The following ARHGEF10 variants were observed in gnomAD, a reference collection of about 807,000 sequenced individuals.
The protein encoded by ARHGEF10 is Rho guanine nucleotide exchange factor (GEF) 10.
ARHGEF10 carries 140 observed loss-of-function variants against 147.4 expected under a neutral mutation model. The ratio of observed to expected loss-of-function variants is 0.95; its 90% CI spans 0.83 to 1.09. ARHGEF10 has a LOEUF of 1.09. Among genes scored for constraint, ARHGEF10 ranks in the 50% least tolerant of loss-of-function variants. ARHGEF10 has a pLI of 0.00. For synonymous variants in ARHGEF10, 902 were observed against 695.8 expected, an observed-to-expected ratio of 1.30 and a Z score of -4.67; for missense variants, 2,222 against 1,752.7, an observed-to-expected ratio of 1.27 and a Z score of -4.78.
chr8:1,832,909 C>CAG (rs56651550), intron 1 of ARHGEF10, among the ~76,000 whole-genome samples: 945 of 38,390 alleles, frequency 0.025, 25 homozygotes, highest in Middle Eastern at 0.045. Context: ...GACAGAGAGA[C>CAG]AGACAGAGGC....
At chr8:1,926,880 G>C (rs1812731874) in intron 23 of ARHGEF10, 1 of 305,486 alleles carries the variant, frequency 3.3e-6, no homozygotes, top group African/African-American at 2.2e-5. Flanking sequence ...AATTAGGCTG[G>C]AATTGCAGTA....
chr8:1,881,513 G>C (rs1292675888), intron 9 of ARHGEF10, among the ~76,000 whole-genome samples: 1 of 152,220 alleles, frequency 6.6e-6, no homozygotes, highest in Non-Finnish European at 1.5e-5. Context: ...CCAAGGAAAT[G>C]GCAGCAGGAC....
At chr8:1,949,436 G>C (rs1165096874) in intron 27 of ARHGEF10, among the ~76,000 whole-genome samples, 1 of 152,202 alleles carries the variant, frequency 6.6e-6, no homozygotes, top group African/African-American at 2.4e-5. Context: ...TAAAGGAGTA[G>C]AGTTTACAGC....
intron 9 of ARHGEF10, among the ~76,000 whole-genome samples, chr8:1,881,471 C>T (rs891337662): frequency 6.6e-5 from 10 of 152,080 alleles, no homozygotes; most frequent in African/African-American, 2.4e-4. Flanking sequence ...TCTGCGGCAT[C>T]GGGCGGGAGG....
intron 10 of ARHGEF10, among the ~76,000 whole-genome samples, chr8:1,884,383 A>G (rs1374552094): frequency 3.5e-5 from 5 of 142,372 alleles, no homozygotes; most frequent in Admixed American, 1.4e-4. Flanking sequence ...GCGACAGAGC[A>G]AGAGTCCATC....
chr8:1,881,884 G>A (rs996628723), intron 9 of ARHGEF10, among the ~76,000 whole-genome samples: 9 of 152,204 alleles, frequency 5.9e-5, no homozygotes, highest in African/African-American at 2.2e-4. Flanking sequence ...ATCTTTTAAA[G>A]ACGAAATCAC....
intron 7 of ARHGEF10, among the ~76,000 whole-genome samples, chr8:1,872,066 A>T (rs758365600): frequency 6.6e-6 from 1 of 152,150 alleles, no homozygotes; most frequent in African/African-American, 2.4e-5. Context: ...GAGGGATGGA[A>T]GAAGGAAGGA....
Position 1,956,776 on chromosome 8 carries a change from A to T in ARHGEF10, c.3548A>T (p.His1183Leu), listed in dbSNP as rs1412527922. 6.2e-7 allele frequency: 1 copy of T among 1,613,908 alleles called. No individual in the cohort carries two copies. Among genetic ancestry groups the T allele is most frequent in the Non-Finnish European group, 8.5e-7 (1 of 1,180,030 alleles). Residue 1183 changes from histidine (H) to leucine (L), a missense_variant, in exon 29 of 29, where the codon CAC (histidine) becomes CTC (leucine). By Grantham distance (99) the His-to-Leu change is moderately conservative (BLOSUM62 -3). Coordinates refer to ENST00000349830, the MANE Select transcript of ARHGEF10 (RefSeq NM_014629.4). ...TGRGMVSYHA[H>L]NSPVKFIVLA... The stretch of plus-strand genomic sequence containing the variant: ...AGAGGCATGGTCTCCTACCATGCAC[A>T]CAACAGTCCTGTCAAATTCATCGTC...
chr8:1,857,902 C>CTA, intron 2 of ARHGEF10, 58 bp from the exon 3 acceptor site: 1 of 1,243,242 alleles, frequency 8.0e-7, no homozygotes, highest in Non-Finnish European at 1.2e-6. Context: ...ATCTATCTAT[C>CTA]TATCTATCTA....
At chr8:1,862,235 C>T (rs530118631) in intron 4 of ARHGEF10, among the ~76,000 whole-genome samples, 21 of 152,340 alleles carry the variant, frequency 1.4e-4, no homozygotes, top group South Asian at 1.2e-3. Context: ...TGGGGCGGGG[C>T]GGCCGCCTGG....
At chr8:1,896,214 G>A in intron 13 of ARHGEF10, 119 bp from the exon 14 acceptor site, 2 of 851,906 alleles carry the variant, frequency 2.3e-6, no homozygotes, top group Non-Finnish European at 4.1e-6. Flanking sequence ...TTTATCTTAT[G>A]AAAACATCAC....
At position 1,912,109 on chromosome 8, in the gene ARHGEF10, T is replaced by G. The variant is rs111477089; in HGVS notation, c.2143+2639T>G. Among the ~76,000 whole-genome samples the G allele has an allele frequency of 5.6e-3, 853 of 152,300 alleles. 6 individuals are homozygous for G. Among genetic ancestry groups the G allele is most frequent in the African/African-American group, 0.019 (795 of 41,560 alleles). On this transcript the variant is annotated intron_variant, in intron 18 of 28. Transcript: ENST00000349830. ...ACCTCTGCTTGCAGAGCGGGCAGCG[T>G]GGTAACCACCTGAGACCAGTGAGCA...
chr8:1,877,813 GA>G (rs2129113353), intron 8 of ARHGEF10, among the ~76,000 whole-genome samples: 1 of 152,156 alleles, frequency 6.6e-6, no homozygotes, highest in Non-Finnish European at 1.5e-5. Flanking sequence ...GGCTGAGATG[GA>G]AGCCACACGC....
chr8:1,843,584 G>C (rs1368045095), intron 2 of ARHGEF10, 148 bp downstream of exon 2: 1 of 710,570 alleles, frequency 1.4e-6, no homozygotes, highest in South Asian at 1.6e-5. Context: ...GTTCTGACGT[G>C]AGCCTGGGTG....
intron 8 of ARHGEF10, among the ~76,000 whole-genome samples, chr8:1,878,040 C>T (rs904881277): frequency 2.6e-5 from 4 of 152,060 alleles, no homozygotes; most frequent in African/African-American, 9.7e-5. Context: ...GAACCTGGCT[C>T]GTGAAACTCA....
chr8:1,856,995 T>C (rs1805601405), intron 2 of ARHGEF10, among the ~76,000 whole-genome samples: 1 of 152,072 alleles, frequency 6.6e-6, no homozygotes, highest in Non-Finnish European at 1.5e-5. Flanking sequence ...TAGCACGCCG[T>C]CTCTGCAAAT....
intron 16 of ARHGEF10, chr8:1,904,323 G>C (rs1810716829): frequency 6.6e-6 from 1 of 152,126 alleles, no homozygotes; most frequent in East Asian, 1.9e-4. Context: ...TAATTTGTAT[G>C]AACTGTGTTA....
chr8:1,846,570 A>G (rs1279586420), intron 2 of ARHGEF10, among the ~76,000 whole-genome samples: 1 of 152,112 alleles, frequency 6.6e-6, no homozygotes, highest in African/African-American at 2.4e-5. Context: ...TAGTCATTGA[A>G]TATAAATTTT....
intron 1 of ARHGEF10, among the ~76,000 whole-genome samples, chr8:1,836,110 G>A (rs898180537): frequency 1.3e-4 from 20 of 151,788 alleles, no homozygotes; most frequent in Non-Finnish European, 2.5e-4. Context: ...GAACCCGGGA[G>A]GCAGAGCTTG....
Sources: gnomAD v4.1 joint callset for allele counts (sites outside exome capture counted in the v4.1 genomes callset) on GRCh38, gnomAD v4.1.1 for gene constraint, MANE v1.5 for transcripts, NCBI Gene and HGNC (gene_info 2026-07-23, HGNC 2026-07-21) for gene names.